The following RBM44 variants were observed in gnomAD, a reference collection of about 807,000 sequenced individuals.
RBM44 encodes RNA binding motif protein 44.
In RBM44, 66 loss-of-function variants were observed where a neutral mutation model predicts 105.1. That is an observed-to-expected ratio of 0.63 (90% CI 0.52 to 0.77). The LOEUF is 0.77. Ranked by LOEUF, RBM44 falls within the 30% of genes least tolerant of loss-of-function variation. The pLI, the probability that RBM44 is intolerant of heterozygous loss-of-function variation, is 0.00. For missense variants in RBM44, 1,122 were observed against 1,207.8 expected (o/e 0.93, Z 1.05); for synonymous variants, 365 against 417.6 (o/e 0.87, Z 1.54).
intron 1 of RBM44, among the ~76,000 whole-genome samples, chr2:237,809,224 A>T (rs1380080646): frequency 3.3e-5 from 5 of 152,180 alleles, no homozygotes; most frequent in Non-Finnish European, 7.3e-5. Flanking sequence ...TAACTTTCAT[A>T]TACTTTTCTT....
intron 2 of RBM44, among the ~76,000 whole-genome samples, chr2:237,816,416 G>C (rs2061715377): frequency 6.6e-6 from 1 of 152,096 alleles, no homozygotes; most frequent in African/African-American, 2.4e-5. Flanking sequence ...TTTCTTATTA[G>C]ACCATTTTAC....
Position 237,827,491 on chromosome 2 carries a change from C to T in RBM44, c.2588C>T (p.Ser863Phe), listed in dbSNP as rs1487942373. 1 of 1,496,356 alleles carries T rather than the reference C, an allele frequency of 6.7e-7. No individual in the cohort carries two copies. Among genetic ancestry groups the T allele is most frequent in the South Asian group, 1.2e-5 (1 of 81,928 alleles). 92.7% of individuals were successfully genotyped at this position (1,496,356 alleles called of 1,614,324 possible). A position where few individuals can be genotyped will look rare whatever the true frequency, so the allele number is the denominator to read the frequency against. Residue 863 changes from serine (S) to phenylalanine (F), a missense_variant, in exon 12 of 16, where the codon TCT (serine) becomes TTT (phenylalanine). Ser to Phe is a radical substitution (Grantham distance 155). Around this residue, in one of 3 missense-constraint regions of RBM44, gnomAD observed 194 missense variants for 225.5 expected, o/e 0.86. Transcript: ENST00000316997. ...YQVSEISIYDSTNYRYASLAF... is the reference protein window; with the variant it reads ...YQVSEISIYDFTNYRYASLAF... ...GTTTCTGAAATTTCAATTTATGATT[C>T]TACTAATTACAGGTGTGTTTCCCAA...
intron 12 of RBM44, 61 bp downstream of exon 12, chr2:237,827,564 T>A: frequency 1.1e-6 from 1 of 939,490 alleles, no homozygotes; most frequent in Non-Finnish European, 1.7e-6. Flanking sequence ...CCAAAGGTTC[T>A]ATACCAGATA....
At chr2:237,831,146 T>G (rs990561757) in intron 13 of RBM44, among the ~76,000 whole-genome samples, 2 of 149,108 alleles carry the variant, frequency 1.3e-5, no homozygotes, top group Non-Finnish European at 3.0e-5. Flanking sequence ...GACCTTCGCC[T>G]GTACTCCAAG....
Position 237,836,005 on chromosome 2 carries a change from A to T in RBM44, c.*22+1582A>T, listed in dbSNP as rs142709115. ...GAAGATCTAAGTTAGATAATTGATG[A>T]CGGTAGCCACACTAAACAGCAGATT... On this transcript the variant is annotated intron_variant, in intron 15 of 15. Coordinates refer to ENST00000316997, the MANE Select transcript of RBM44 (RefSeq NM_001080504.3). Among the ~76,000 whole-genome samples, 689 of 152,316 alleles carry T rather than the reference A, an allele frequency of 4.5e-3. 8 individuals carry two copies. The highest frequency in any genetic ancestry group is 0.016 in the African/African-American group (666 of 41,562).
At position 237,821,723 on chromosome 2, in the gene RBM44, T is replaced by G. The variant is rs2061792791; in HGVS notation, c.2121-20T>G. On this transcript the variant is annotated intron_variant, in intron 7 of 15. Transcript: ENST00000316997. Reference sequence around the variant, plus strand: ...GTTATCAAACATTAGATCATATTTCTTCTGAAATGTTCTTTTTAGCTTTTC... The same window carrying G: ...GTTATCAAACATTAGATCATATTTCGTCTGAAATGTTCTTTTTAGCTTTTC... 1 of 1,539,350 alleles carries G rather than the reference T, an allele frequency of 6.5e-7. No homozygotes were observed. Among genetic ancestry groups the G allele is most frequent in the African/African-American group, 1.4e-5 (1 of 73,426 alleles).
intron 1 of RBM44, among the ~76,000 whole-genome samples, chr2:237,801,955 CT>C (rs994083287): frequency 1.2e-4 from 18 of 152,040 alleles, no homozygotes; most frequent in African/African-American, 3.6e-4. Flanking sequence ...TTTTTAATTG[CT>C]TTTTTTCCTT....
Position 237,818,907 on chromosome 2 carries a change from C to T in RBM44, c.1684C>T (p.Leu562=). 6.9e-7 allele frequency: 1 copy of T among 1,456,416 alleles called. No homozygotes were observed. Among genetic ancestry groups the T allele is most frequent in the Non-Finnish European group, 9.3e-7 (1 of 1,070,354 alleles). 90.2% of individuals were successfully genotyped at this position (1,456,416 alleles called of 1,614,324 possible). A position where few individuals can be genotyped will look rare whatever the true frequency, so the allele number is the denominator to read the frequency against. Residue 562 remains leucine, a synonymous_variant, in exon 4 of 16, where the codon CTG becomes TTG. Transcript: ENST00000316997. This position sits in a 1 kb window ranked among gnomAD's most constrained non-coding sequence, Gnocchi z 4.6. Reference sequence around the variant, plus strand: ...TTTTAAATCATATTTTCAGGATTTCCTGGAATTAAGAAAAGCATGTGGTAT... The same window carrying T: ...TTTTAAATCATATTTTCAGGATTTCTTGGAATTAAGAAAAGCATGTGGTAT... ...PNGNFLNKDF[L]ELRKACGITD...
chr2:237,810,971 T>C (rs2061652742), intron 1 of RBM44, among the ~76,000 whole-genome samples: 1 of 152,100 alleles, frequency 6.6e-6, no homozygotes, highest in African/African-American at 2.4e-5. Flanking sequence ...AAGCAACCAT[T>C]ACTGTGGTGA....
chr2:237,839,866 A>C (rs1031487444), intron 15 of RBM44, among the ~76,000 whole-genome samples: 1 of 152,194 alleles, frequency 6.6e-6, no homozygotes, highest in Admixed American at 6.5e-5. Flanking sequence ...GAATGAGAAA[A>C]TATTTATAAA....
At position 237,829,312 on chromosome 2, in the gene RBM44, G is replaced by A; in HGVS notation, c.2696G>A (p.Trp899Ter). ...ATAAATGGAAAGTCAGTAAATGTGT[G>A]GCCTGTTAAAATTCTTGGAGAATAT... ...IEINGKSVNV[W>*]PVKILGEYTS... Residue 899 changes from tryptophan to a stop codon, truncating the protein, a stop_gained, in exon 13 of 16, where the codon TGG (tryptophan) becomes TAG (stop). Coordinates refer to ENST00000316997, the MANE Select transcript of RBM44 (RefSeq NM_001080504.3). LOFTEE classifies it high-confidence loss of function. 6.2e-7 allele frequency: 1 copy of A among 1,613,132 alleles called. No homozygotes were observed. Among genetic ancestry groups the A allele is most frequent in the Non-Finnish European group, 8.5e-7 (1 of 1,179,252 alleles).
intron 15 of RBM44, among the ~76,000 whole-genome samples, chr2:237,839,412 A>T (rs906287899): frequency 6.6e-6 from 1 of 152,118 alleles, no homozygotes; most frequent in Non-Finnish European, 1.5e-5. Context: ...CTGAGACTAC[A>T]GTCACGCGCC....
intron 15 of RBM44, among the ~76,000 whole-genome samples, chr2:237,840,290 C>T (rs73086799): frequency 0.028 from 4,173 of 150,440 alleles, 197 homozygotes; most frequent in African/African-American, 0.096. Context: ...TGATCTTCAA[C>T]GAAGTCAACA....
intron 8 of RBM44, among the ~76,000 whole-genome samples, chr2:237,822,104 C>G (rs920667934): frequency 6.6e-6 from 1 of 152,000 alleles, no homozygotes; most frequent in Non-Finnish European, 1.5e-5. Context: ...TTCTCTACAA[C>G]AGTTGGTATA....
At chr2:237,814,583 C>A (rs1316454567) in intron 2 of RBM44, among the ~76,000 whole-genome samples, 1 of 151,860 alleles carries the variant, frequency 6.6e-6, no homozygotes, top group African/African-American at 2.4e-5. Context: ...CAGGAAAAAA[C>A]TTACCAGATA....
chr2:237,833,191 A>C (rs1050791808), intron 13 of RBM44, among the ~76,000 whole-genome samples: 7 of 152,214 alleles, frequency 4.6e-5, no homozygotes, highest in Non-Finnish European at 1.0e-4. Context: ...CTGTACTCTT[A>C]AGGAGCTAAA....
intron 13 of RBM44, 62 bp from the exon 14 acceptor site, chr2:237,833,935 G>T: frequency 2.6e-6 from 2 of 761,218 alleles, no homozygotes; most frequent in South Asian, 4.6e-5. Flanking sequence ...TTGAATAAGC[G>T]GTATTATCTT....
rs1377390983 is a variant in RBM44 at position 237,821,466 on chromosome 2, T to G, written c.2120+98T>G. 3 of 912,210 alleles carry G rather than the reference T, an allele frequency of 3.3e-6. No individual in the cohort carries two copies. In the African/African-American group the frequency reaches 5.1e-5, roughly 15 times the overall value. The allele number at this position is 912,210 out of a possible 1,614,324, so 56.5% of individuals were successfully genotyped here. A position where few individuals can be genotyped will look rare whatever the true frequency, so the allele number is the denominator to read the frequency against. ...TTGTTTTGTTCCCTATTTAGAACAT[T>G]GATAAATGTTTTAATGAAGTGTTTA... On this transcript the variant is annotated intron_variant, in intron 7 of 15. Transcript: ENST00000316997.
In RBM44 at chr2:237,803,054, G is replaced by GT. The variant is rs1210313596; in HGVS notation, c.-19+4194dup. 1.3e-5 allele frequency among the ~76,000 whole-genome samples: 2 copies of GT among 152,188 alleles called. No homozygotes were observed. The highest frequency in any genetic ancestry group is 6.5e-5 in the Admixed American group (1 of 15,286). On this transcript the variant is annotated intron_variant, in intron 1 of 15. Transcript: ENST00000316997. The surrounding 1 kb of genome is among the most constrained non-coding windows in gnomAD (Gnocchi z 4.2). ...GGCCGAGGCGGGTGGATCACTTGAG[G>GT]TCAGGAGTTCAAGACCAACCTGGCC...
Sources: allele counts gnomAD v4.1 joint callset (sites outside exome capture counted in the v4.1 genomes callset), GRCh38; gene constraint gnomAD v4.1.1; regional missense constraint gnomAD v4.1.1; non-coding constraint Gnocchi (gnomAD v3.1); transcripts MANE v1.5; gene names NCBI Gene and HGNC (gene_info 2026-07-23, HGNC 2026-07-21).